Variants in FAM186A observed in about 807,000 individuals in gnomAD.
The protein encoded by FAM186A is family with sequence similarity 186 member A, also known as protein FAM186A.
Under a neutral mutation model 216.8 loss-of-function variants are expected in FAM186A, and 163 were observed. The observed-to-expected ratio is 0.75, with a 90% CI of 0.66 to 0.86. The LOEUF (loss-of-function observed/expected upper bound fraction) is 0.86, where lower values mean the gene tolerates loss of function less well. Ranked by LOEUF, FAM186A falls within the 40% of genes least tolerant of loss-of-function variation. The probability of loss-of-function intolerance (pLI) is 0.00; values close to 1 mark genes in which losing one functional copy is unlikely to be tolerated. For synonymous variants in FAM186A, 805 were observed against 1,025.3 expected (o/e 0.79, Z 4.10); for missense variants, 2,184 against 2,746.2 (o/e 0.80, Z 4.58).
intron 2 of FAM186A, 79 bp downstream of exon 2, chr12:50,363,066 C>T: frequency 8.4e-7 from 1 of 1,192,466 alleles, no homozygotes; most frequent in Non-Finnish European, 1.1e-6. Context: ...CTGATTAATC[C>T]TTCAAAATTT....
rs200238327 is a variant in FAM186A at position 50,333,551 on chromosome 12, C to CA, written c.6696+359dup. 4.5e-3 allele frequency among the ~76,000 whole-genome samples: 674 copies of CA among 148,984 alleles called. 1 individual carries two copies. The highest frequency in any genetic ancestry group is 0.014 in the African/African-American group (588 of 40,608). ...CAAAAAAACGAAAAACAAAGCAAAA[C>CA]AAAAAAAAAGGCCATTTGAAAGATG... is the stretch of plus-strand genomic sequence containing the variant. On this transcript the variant is annotated intron_variant, in intron 5 of 7. Transcript: ENST00000327337.
intron 5 of FAM186A, 126 bp downstream of exon 5, chr12:50,333,784 TG>T: frequency 1.1e-6 from 1 of 895,578 alleles, no homozygotes; most frequent in Non-Finnish European, 1.7e-6. Context: ...ATGAAGTTTG[TG>T]GTAATTTGTT....
chr12:50,372,626 C>T (rs1943152272), intron 1 of FAM186A, among the ~76,000 whole-genome samples: 1 of 149,920 alleles, frequency 6.7e-6, no homozygotes. Context: ...CTAGGCCGGG[C>T]ACGGTGGTTC....
rs1443549925 is a variant in FAM186A, at chr12:50,351,095, A to G, written c.5737T>C (p.Trp1913Arg). The change falls in exon 4 of 8, where the codon TGG (tryptophan) becomes CGG (arginine). Residue 1913 changes from tryptophan (W) to arginine (R), a missense_variant. Coordinates refer to ENST00000327337, the MANE Select transcript of FAM186A (RefSeq NM_001145475.3). ...GAAGAAGCTCGCCCAGGAAGGGTCC[A>G]TGTTGCCAGATGCTGCCCAGGGGTA... ...PSTPGQHLAT[W>R]TLPGRASSLW... is the part of the protein sequence containing the mutation. The G allele has an allele frequency of 1.3e-6, 2 of 1,551,542 alleles. No homozygotes were observed. Among genetic ancestry groups the G allele is most frequent in the Non-Finnish European group, 1.7e-6 (2 of 1,146,970 alleles).
Position 50,330,777 on chromosome 12 carries a change from T to TTAGGCTCTGATGAGAAGCCTCTC in FAM186A, c.6849-20_6849-19insGAGAGGCTTCTCATCAGAGCCTA. On this transcript the variant is annotated intron_variant, in intron 6 of 7. Coordinates refer to ENST00000327337, the MANE Select transcript of FAM186A (RefSeq NM_001145475.3). The stretch of plus-strand genomic sequence containing the variant: ...TTGTTGCCTACAGAATCAGCATAAA[T>TTAGGCTCTGATGAGAAGCCTCTC]TGGGAACGCCAAATTCTCCTGAGCT... 6.7e-7 allele frequency: 1 copy of TTAGGCTCTGATGAGAAGCCTCTC among 1,499,258 alleles called. No homozygotes were observed. The highest frequency in any genetic ancestry group is 8.9e-7 in the Non-Finnish European group (1 of 1,128,276). The allele number at this position is 1,499,258 out of a possible 1,614,324, so 92.9% of individuals were successfully genotyped here. A position where few individuals can be genotyped will look rare whatever the true frequency, so the allele number is the denominator to read the frequency against.
At chr12:50,366,626 CAAAAAAAA>C (rs61606774) in intron 1 of FAM186A, among the ~76,000 whole-genome samples, 3 of 49,398 alleles carry the variant, frequency 6.1e-5, no homozygotes, top group African/African-American at 2.5e-4. Context: ...ATAGAATGAC[CAAAAAAAA>C]AAAAAAAAAA....
chr12:50,342,769 G>A (rs1327016574), intron 4 of FAM186A, among the ~76,000 whole-genome samples: 4 of 113,202 alleles, frequency 3.5e-5, no homozygotes, highest in African/African-American at 8.0e-5. Flanking sequence ...CACCGCTCCC[G>A]ACCTTTTTTT....
Position 50,355,470 on chromosome 12 carries a change from C to G in FAM186A, c.1362G>C (p.Glu454Asp), listed in dbSNP as rs1000261933. Reference protein sequence around the residue: ...GDFYQEDETDEYQSWKRSHKK... With the variant: ...GDFYQEDETDDYQSWKRSHKK... The stretch of plus-strand genomic sequence containing the variant: ...TGTGGCTTCTTTTCCATGATTGATA[C>G]TCATCAGTCTCATCTTCCTGATAGA... Residue 454 changes from glutamate (E) to aspartate (D), a missense_variant, in exon 4 of 8, where the codon GAG becomes GAC. Physicochemically the swap from Glu to Asp is conservative, Grantham distance 45. Coordinates refer to ENST00000327337, the MANE Select transcript of FAM186A (RefSeq NM_001145475.3). The G allele has an allele frequency of 4.4e-5, 68 of 1,551,064 alleles. No individual in the cohort carries two copies. Among genetic ancestry groups the G allele is most frequent in the Non-Finnish European group, 5.1e-5 (59 of 1,146,900 alleles).
intron 4 of FAM186A, 61 bp from the exon 5 acceptor site, chr12:50,334,164 G>T: frequency 3.0e-6 from 4 of 1,326,186 alleles, no homozygotes; most frequent in Non-Finnish European, 3.0e-6. Context: ...CAACAAACTT[G>T]TCCTCAGTTT....
chr12:50,356,997 TCAACATACATACATA>T (rs869136925), intron 3 of FAM186A, among the ~76,000 whole-genome samples: 2 of 149,944 alleles, frequency 1.3e-5, no homozygotes, highest in Non-Finnish European at 2.9e-5. Flanking sequence ...AGACTTCGTC[TCAACATACATACATA>T]CATACATACA....
intron 1 of FAM186A, among the ~76,000 whole-genome samples, chr12:50,394,600 T>TAG (rs752169294): frequency 7.9e-5 from 12 of 150,994 alleles, no homozygotes; most frequent in East Asian, 3.9e-4. Context: ...TATCTACCTA[T>TAG]AGAGAGAGAG....
intron 1 of FAM186A, chr12:50,365,601 T>C: frequency 1.8e-6 from 1 of 541,626 alleles, no homozygotes; most frequent in South Asian, 2.4e-5. Flanking sequence ...GTAAGATAAG[T>C]GTGTAGTTCT....
In FAM186A at chr12:50,363,205, T is replaced by C. The variant is rs1943053386; in HGVS notation, c.352A>G (p.Lys118Glu). 12 of 1,551,598 alleles carry C rather than the reference T, an allele frequency of 7.7e-6. No individual in the cohort carries two copies. The highest frequency in any genetic ancestry group is 1.0e-5 in the Non-Finnish European group (12 of 1,146,972). The stretch of plus-strand genomic sequence containing the variant: ...GTCTTTTCTCTTATTTCAATAGTCT[T>C]AGCGTAAGTAGCCATTTTCTCAAGA... ...NFLEKMATYA[K>E]TIEIREKTLA... The change falls in exon 2 of 8, where the codon AAG (lysine) becomes GAG (glutamate). Residue 118 changes from lysine to glutamate, a missense_variant. By Grantham distance (56) the Lys-to-Glu change is moderately conservative. Coordinates refer to ENST00000327337, the MANE Select transcript of FAM186A (RefSeq NM_001145475.3).
At chr12:50,365,965 G>T (rs10783355) in intron 1 of FAM186A, 766,006 of 767,568 alleles carry the variant, frequency 1, 382,243 homozygotes, top group East Asian at 1. Flanking sequence ...AGCAAGGTGG[G>T]TATCACTAGG....
intron 4 of FAM186A, among the ~76,000 whole-genome samples, chr12:50,346,324 C>T (rs1178130240): frequency 6.6e-6 from 1 of 151,872 alleles, no homozygotes; most frequent in Admixed American, 6.6e-5. Flanking sequence ...CTCTGCCTCC[C>T]GGGTTCAAGC....
At position 50,355,853 on chromosome 12, in the gene FAM186A, A is replaced by G. The variant is rs933584985; in HGVS notation, c.979T>C (p.Cys327Arg). The change falls in exon 4 of 8, where the codon TGT becomes CGT. Residue 327 changes from cysteine (C) to arginine (R), a missense_variant. Cys to Arg is a radical substitution (Grantham distance 180). This residue lies in a region of FAM186A where 1,132 missense variants were observed against 1,263.4 expected (regional missense o/e 0.90). Coordinates refer to ENST00000327337, the MANE Select transcript of FAM186A (RefSeq NM_001145475.3). ...ATTTTGGATCGAATAAGTTGTTCACATTTTTCTTCTGCATCTTGAAGTTTC... is the reference window on the plus strand; with the variant it reads ...ATTTTGGATCGAATAAGTTGTTCACGTTTTTCTTCTGCATCTTGAAGTTTC... ...QQKLQDAEEK[C>R]EQLIRSKIVI... The G allele has an allele frequency of 6.4e-7, 1 of 1,551,062 alleles. No homozygotes were observed. The highest frequency in any genetic ancestry group is 8.7e-7 in the Non-Finnish European group (1 of 1,146,902).
intron 2 of FAM186A, 86 bp downstream of exon 2, chr12:50,363,059 A>G (rs992038997): frequency 1.8e-6 from 2 of 1,138,020 alleles, no homozygotes; most frequent in Non-Finnish European, 2.4e-6. Flanking sequence ...CTTTAATCTG[A>G]TTAATCCTTC....
At chr12:50,327,540 CTT>C (rs781530836) in intron 7 of FAM186A, 136 bp from the exon 8 acceptor site, 36,369 of 454,492 alleles carry the variant, frequency 0.08, no homozygotes, top group Middle Eastern at 0.11. Flanking sequence ...GTATGTAATC[CTT>C]TTTTTTTTTT....
chr12:50,350,208 A>C, intron 4 of FAM186A, 121 bp downstream of exon 4: 1 of 904,028 alleles, frequency 1.1e-6, no homozygotes, highest in Non-Finnish European at 1.6e-6. Flanking sequence ...CATAGACCTT[A>C]TATAAGGCAG....
Sources: allele counts gnomAD v4.1 joint callset (sites outside exome capture counted in the v4.1 genomes callset), GRCh38; gene constraint gnomAD v4.1.1; regional missense constraint gnomAD v4.1.1; transcripts MANE v1.5; gene names NCBI Gene and HGNC (gene_info 2026-07-23, HGNC 2026-07-21).